TOX: variants seen among roughly 807,000 people sequenced by gnomAD.
TOX encodes the protein thymocyte selection-associated high mobility group box protein TOX.
TOX carries 11 observed loss-of-function variants against 53.7 expected under a neutral mutation model. The ratio of observed to expected loss-of-function variants is 0.20; its 90% CI spans 0.13 to 0.34. TOX has a LOEUF of 0.34. TOX is among the 10% of genes least tolerant of loss of function. TOX has a pLI of 1.00. For missense variants in TOX, 570 were observed against 664.6 expected, an observed-to-expected ratio of 0.86 and a Z score of 1.56; for synonymous variants, 225 against 245.3, an observed-to-expected ratio of 0.92 and a Z score of 0.77.
At chr8:59,080,675 T>C (rs1328907274) in intron 1 of TOX, among the ~76,000 whole-genome samples, 1 of 152,152 alleles carries the variant, frequency 6.6e-6, no homozygotes, top group East Asian at 1.9e-4. Context: ...CTTGGTGCTG[T>C]TGTCATGACA....
At chr8:58,905,080 G>A (rs779923679) in intron 3 of TOX, among the ~76,000 whole-genome samples, 8 of 152,188 alleles carry the variant, frequency 5.3e-5, no homozygotes, top group Non-Finnish European at 7.4e-5. Flanking sequence ...CTACAGGCGC[G>A]CGCCACCACG....
intron 1 of TOX, among the ~76,000 whole-genome samples, chr8:58,993,933 C>T (rs891120642): frequency 6.4e-5 from 9 of 141,656 alleles, no homozygotes; most frequent in African/African-American, 2.4e-4. Context: ...GTTGCCATGG[C>T]AGCATAAAGA....
chr8:58,936,828 T>A (rs1812353173), intron 3 of TOX, among the ~76,000 whole-genome samples: 1 of 152,186 alleles, frequency 6.6e-6, no homozygotes, highest in Non-Finnish European at 1.5e-5. Flanking sequence ...AGAATCAACA[T>A]CATTAACGAG....
chr8:59,106,177 A>G (rs570800991), intron 1 of TOX, among the ~76,000 whole-genome samples: 2 of 152,252 alleles, frequency 1.3e-5, no homozygotes, highest in African/African-American at 4.8e-5. Flanking sequence ...CCTCTCAGAA[A>G]TATATCCTTC....
At chr8:58,993,898 C>A (rs1465933864) in intron 1 of TOX, among the ~76,000 whole-genome samples, 1 of 152,004 alleles carries the variant, frequency 6.6e-6, no homozygotes, top group Non-Finnish European at 1.5e-5. Context: ...CAGAGAAAAG[C>A]ATTCCCCGAA....
chr8:58,984,457 A>G (rs759658674), intron 1 of TOX, among the ~76,000 whole-genome samples: 2 of 152,202 alleles, frequency 1.3e-5, no homozygotes, highest in South Asian at 2.1e-4. Flanking sequence ...CATAACCACA[A>G]GGAGATACCC....
At chr8:58,833,502 T>C (rs1001821621) in intron 5 of TOX, among the ~76,000 whole-genome samples, 4 of 152,178 alleles carry the variant, frequency 2.6e-5, no homozygotes, top group African/African-American at 7.2e-5. Flanking sequence ...ACAGGAAATT[T>C]AGCTGGAACC....
At chr8:59,079,798 G>C (rs577651462) in intron 1 of TOX, among the ~76,000 whole-genome samples, 1 of 152,242 alleles carries the variant, frequency 6.6e-6, no homozygotes, top group Non-Finnish European at 1.5e-5. Context: ...CCCAAGGATG[G>C]TAGATCCATT....
At chr8:59,116,466 G>T (rs141583480) in intron 1 of TOX, among the ~76,000 whole-genome samples, 1 of 152,262 alleles carries the variant, frequency 6.6e-6, no homozygotes, top group Non-Finnish European at 1.5e-5. Flanking sequence ...AATGCTAGTT[G>T]ACTGCATTAT....
chr8:59,001,072 G>A (rs1813680833), intron 1 of TOX, among the ~76,000 whole-genome samples: 1 of 152,120 alleles, frequency 6.6e-6, no homozygotes, highest in Non-Finnish European at 1.5e-5. Flanking sequence ...TCTTTGCACA[G>A]TAGAAATCTC....
At chr8:58,941,228 T>C (rs552974339) in intron 2 of TOX, among the ~76,000 whole-genome samples, 38 of 152,326 alleles carry the variant, frequency 2.5e-4, no homozygotes, top group South Asian at 2.5e-3. Flanking sequence ...CTTGTACAAG[T>C]ATGCATATAA....
intron 1 of TOX, among the ~76,000 whole-genome samples, chr8:58,983,601 T>C (rs1208322601): frequency 1.3e-5 from 2 of 152,216 alleles, no homozygotes; most frequent in Non-Finnish European, 2.9e-5. Flanking sequence ...TAGAACTCCA[T>C]ACAAATAAAT....
At chr8:58,935,259 GTATC>G (rs1465065526) in intron 3 of TOX, among the ~76,000 whole-genome samples, 2 of 152,020 alleles carry the variant, frequency 1.3e-5, no homozygotes, top group East Asian at 1.9e-4. Flanking sequence ...AATCTATACA[GTATC>G]TAAATATATA....
intron 3 of TOX, among the ~76,000 whole-genome samples, chr8:58,905,204 T>A (rs998446602): frequency 1.3e-5 from 2 of 152,240 alleles, no homozygotes; most frequent in African/African-American, 4.8e-5. Flanking sequence ...GTGCTGGGAT[T>A]ACAGGTGTGA....
At chr8:58,963,484 G>A (rs1812838360) in intron 1 of TOX, among the ~76,000 whole-genome samples, 1 of 152,088 alleles carries the variant, frequency 6.6e-6, no homozygotes, top group African/African-American at 2.4e-5. Flanking sequence ...TATTTCTGGG[G>A]AGCCTACAAT....
At chr8:59,018,813 A>G (rs1322997916) in intron 1 of TOX, among the ~76,000 whole-genome samples, 2 of 152,070 alleles carry the variant, frequency 1.3e-5, no homozygotes, top group Non-Finnish European at 2.9e-5. Context: ...AAAACCCCTA[A>G]ATTTTAGGGA....
intron 1 of TOX, among the ~76,000 whole-genome samples, chr8:59,011,403 C>G (rs1295317042): frequency 6.6e-6 from 1 of 152,216 alleles, no homozygotes; most frequent in African/African-American, 2.4e-5. Context: ...CAGGCTCACT[C>G]TCTAACCGAA....
chr8:59,078,518 G>T (rs1361004110), intron 1 of TOX, among the ~76,000 whole-genome samples: 2 of 152,118 alleles, frequency 1.3e-5, no homozygotes, highest in African/African-American at 4.8e-5. Flanking sequence ...TCCCTCTTTG[G>T]CTTCCACCAT....
intron 1 of TOX, among the ~76,000 whole-genome samples, chr8:58,965,067 C>T (rs1356037328): frequency 1.3e-5 from 2 of 152,130 alleles, no homozygotes; most frequent in Non-Finnish European, 2.9e-5. Context: ...AGTTATTATT[C>T]TTAGAAGTCA....
Sources: gnomAD v4.1 joint callset for allele counts (sites outside exome capture counted in the v4.1 genomes callset) on GRCh38, gnomAD v4.1.1 for gene constraint, MANE v1.5 for transcripts, NCBI Gene and HGNC (gene_info 2026-07-23, HGNC 2026-07-21) for gene names.